Variants in SGCD observed in about 807,000 individuals in gnomAD.
The protein encoded by SGCD is delta-sarcoglycan.
A neutral mutation model predicts 36.6 loss-of-function variants in SGCD; 18 were observed. That is an observed-to-expected ratio of 0.49 (90% CI 0.34 to 0.73). SGCD has a LOEUF of 0.73. Ranked by LOEUF, SGCD falls within the 30% of genes least tolerant of loss-of-function variation. SGCD has a pLI of 0.01. For synonymous variants in SGCD, 133 were observed against 130.6 expected, an observed-to-expected ratio of 1.02 and a Z score of -0.12; for missense variants, 387 against 346.7, an observed-to-expected ratio of 1.12 and a Z score of -0.92.
intron 6 of SGCD, among the ~76,000 whole-genome samples, chr5:156,611,382 T>C (rs1180008156): frequency 2.6e-5 from 4 of 152,234 alleles, no homozygotes; most frequent in African/African-American, 4.8e-5. Context: ...ATGCTGAGTA[T>C]TGTTTTTTTG....
intron 3 of SGCD, among the ~76,000 whole-genome samples, chr5:156,368,749 C>A (rs567741355): frequency 6.6e-6 from 1 of 152,306 alleles, no homozygotes; most frequent in Non-Finnish European, 1.5e-5. Context: ...AGGTTGTGCA[C>A]TCCTTATGAG....
intron 3 of SGCD, among the ~76,000 whole-genome samples, chr5:156,492,047 A>G (rs1327057142): frequency 6.6e-6 from 1 of 152,156 alleles, no homozygotes; most frequent in Non-Finnish European, 1.5e-5. Context: ...AAAGCCTAAA[A>G]AAAGTCTTAT....
upstream of SGCD, among the ~76,000 whole-genome samples, chr5:156,325,175 G>A (rs1306954957): frequency 1.3e-5 from 2 of 151,804 alleles, no homozygotes; most frequent in Admixed American, 6.6e-5. Flanking sequence ...GGAAAGTAGC[G>A]GTATAGCTGG....
At chr5:156,688,356 T>C (rs553705974) in intron 7 of SGCD, among the ~76,000 whole-genome samples, 25 of 152,318 alleles carry the variant, frequency 1.6e-4, no homozygotes, top group African/African-American at 5.8e-4. Context: ...TCACAGCAAG[T>C]ACTGTTTATA....
At chr5:156,194,013 C>A (rs1016763571) in intron 3 of SGCD, among the ~76,000 whole-genome samples, 12 of 152,192 alleles carry the variant, frequency 7.9e-5, no homozygotes, top group Non-Finnish European at 1.6e-4. Context: ...AGACCTTCCT[C>A]TGAGCATTTT....
chr5:155,888,805 G>A (rs1756062704), intron 1 of SGCD, among the ~76,000 whole-genome samples: 6 of 151,970 alleles, frequency 3.9e-5, no homozygotes, highest in African/African-American at 7.2e-5. Context: ...CTTTTTTCCC[G>A]AATTTCTTCA....
chr5:156,094,726 G>T (rs564435586), intron 1 of SGCD, among the ~76,000 whole-genome samples: 15 of 152,268 alleles, frequency 9.9e-5, no homozygotes, highest in African/African-American at 3.4e-4. Context: ...TGCTTGGCTG[G>T]GCATGGTGAC....
intron 3 of SGCD, among the ~76,000 whole-genome samples, chr5:156,261,720 A>G (rs896819307): frequency 6.6e-6 from 1 of 152,190 alleles, no homozygotes; most frequent in Admixed American, 6.6e-5. Context: ...TGACAGCTCC[A>G]AGTATGTTAT....
chr5:156,669,121 C>T (rs1753187370), intron 7 of SGCD, among the ~76,000 whole-genome samples: 1 of 152,050 alleles, frequency 6.6e-6, no homozygotes, highest in African/African-American at 2.4e-5. Flanking sequence ...TGCAATACGG[C>T]CGAAAGTTCA....
At chr5:156,029,814 A>G (rs1348676966) in intron 1 of SGCD, among the ~76,000 whole-genome samples, 1 of 152,016 alleles carries the variant, frequency 6.6e-6, no homozygotes, top group African/African-American at 2.4e-5. Context: ...CACTTTACCT[A>G]ATTTTTTAAA....
chr5:155,991,927 G>C (rs989631245), intron 1 of SGCD, among the ~76,000 whole-genome samples: 1 of 152,196 alleles, frequency 6.6e-6, no homozygotes, highest in Non-Finnish European at 1.5e-5. Context: ...TGGGGGATAA[G>C]AATTTAACTT....
chr5:156,457,552 T>C (rs1259324432), intron 3 of SGCD, among the ~76,000 whole-genome samples: 1 of 152,204 alleles, frequency 6.6e-6, no homozygotes, highest in Non-Finnish European at 1.5e-5. Flanking sequence ...ATTTATACTA[T>C]TGTTTTGGCT....
At chr5:155,967,510 G>A (rs1205524797) in intron 1 of SGCD, among the ~76,000 whole-genome samples, 2 of 151,912 alleles carry the variant, frequency 1.3e-5, no homozygotes, top group Non-Finnish European at 2.9e-5. Context: ...GGTTGTTTAA[G>A]GTTTCCATCA....
chr5:156,203,077 T>G (rs1052080457), intron 3 of SGCD, among the ~76,000 whole-genome samples: 4 of 152,136 alleles, frequency 2.6e-5, no homozygotes, highest in African/African-American at 9.7e-5. Context: ...ATAAAACTTT[T>G]TAAATTAAGA....
intron 1 of SGCD, among the ~76,000 whole-genome samples, chr5:155,998,297 GACACA>G (rs1215480075): frequency 6.6e-6 from 1 of 152,092 alleles, no homozygotes; most frequent in Non-Finnish European, 1.5e-5. Flanking sequence ...GATCTGGTAT[GACACA>G]TCTTGCACAT....
intron 6 of SGCD, among the ~76,000 whole-genome samples, chr5:156,608,140 T>G (rs1761577985): frequency 6.6e-6 from 1 of 152,246 alleles, no homozygotes; most frequent in Admixed American, 6.5e-5. Flanking sequence ...GATGTTAGTG[T>G]GTCAATTTTA....
intron 7 of SGCD, among the ~76,000 whole-genome samples, chr5:156,650,393 G>A (rs967402032): frequency 2.0e-5 from 3 of 152,090 alleles, no homozygotes; most frequent in African/African-American, 7.2e-5. Context: ...TGTTACATGA[G>A]TATGTTGCAT....
At chr5:156,125,592 C>T (rs565584834) in intron 3 of SGCD, among the ~76,000 whole-genome samples, 1 of 152,050 alleles carries the variant, frequency 6.6e-6, no homozygotes, top group African/African-American at 2.4e-5. Context: ...GTCAGAATAA[C>T]TTTGTCTTTT....
chr5:156,128,113 C>T (rs530582064), intron 3 of SGCD, among the ~76,000 whole-genome samples: 1 of 151,786 alleles, frequency 6.6e-6, no homozygotes, highest in East Asian at 1.9e-4. Flanking sequence ...TATGAACATT[C>T]ACTTCATAAA....
Sources: allele counts gnomAD v4.1 joint callset (sites outside exome capture counted in the v4.1 genomes callset), GRCh38; gene constraint gnomAD v4.1.1; transcripts MANE v1.5; gene names NCBI Gene and HGNC (gene_info 2026-07-23, HGNC 2026-07-21).